Variants in VWA8 observed in about 807,000 individuals in gnomAD.
The protein encoded by VWA8 is von Willebrand factor A domain containing 8, also known as von Willebrand factor A domain-containing protein 8.
VWA8 carries 221 observed loss-of-function variants against 241.5 expected under a neutral mutation model. The observed-to-expected ratio is 0.91, with a 90% CI of 0.82 to 1.02. The LOEUF (loss-of-function observed/expected upper bound fraction) is 1.02. Among genes scored for constraint, VWA8 ranks in the 50% least tolerant of loss-of-function variants. VWA8 has a pLI of 0.00. For missense variants in VWA8, 2,322 were observed against 2,328.7 expected (o/e 1.00, Z 0.06); for synonymous variants, 852 against 827.1 (o/e 1.03, Z -0.52).
intron 20 of VWA8, among the ~76,000 whole-genome samples, chr13:41,772,033 G>T (rs2045827776): frequency 6.6e-6 from 1 of 151,640 alleles, no homozygotes; most frequent in Admixed American, 6.6e-5. Context: ...TGGGATTACA[G>T]GCATGAACCA....
chr13:41,670,796 G>T, intron 37 of VWA8, 150 bp downstream of exon 37: 1 of 898,150 alleles, frequency 1.1e-6, no homozygotes, highest in East Asian at 2.7e-5. Flanking sequence ...ATTTGTTTTT[G>T]TCTTTTTATT....
In VWA8 at chr13:41,699,067, T is replaced by G; in HGVS notation, c.3564+4A>C. ...TCACATAATTGTAGCCTGGTGTGCATTACCTGCTGCTCATGGAGAACCACT... is the reference window on the plus strand; with the variant it reads ...TCACATAATTGTAGCCTGGTGTGCAGTACCTGCTGCTCATGGAGAACCACT... On this transcript the variant is annotated splice_donor_region_variant and intron_variant, in intron 29 of 44. Coordinates refer to ENST00000379310, the MANE Select transcript of VWA8 (RefSeq NM_015058.2). 1 of 1,613,874 alleles carries G rather than the reference T, an allele frequency of 6.2e-7. No homozygotes were observed. The highest frequency in any genetic ancestry group is 8.5e-7 in the Non-Finnish European group (1 of 1,179,820).
intron 21 of VWA8, among the ~76,000 whole-genome samples, chr13:41,757,313 T>C (rs1360260303): frequency 6.6e-6 from 1 of 151,732 alleles, no homozygotes; most frequent in African/African-American, 2.4e-5. Flanking sequence ...ATTTTTTGAG[T>C]TGAAAGTCCT....
At chr13:41,828,692 G>A (rs369559604) in intron 14 of VWA8, among the ~76,000 whole-genome samples, 1 of 152,018 alleles carries the variant, frequency 6.6e-6, no homozygotes, top group South Asian at 2.1e-4. Context: ...GAAATATTTG[G>A]AAGTTGTAGA....
At chr13:41,628,850 C>T (rs1593660596) in intron 37 of VWA8, among the ~76,000 whole-genome samples, 2 of 152,066 alleles carry the variant, frequency 1.3e-5, no homozygotes, top group African/African-American at 4.8e-5. Flanking sequence ...AGACCATCCT[C>T]GCCAACATGG....
chr13:41,761,374 A>G (rs1050792362), intron 20 of VWA8, among the ~76,000 whole-genome samples, 170 bp from the exon 21 acceptor site: 16 of 152,076 alleles, frequency 1.1e-4, no homozygotes, highest in Non-Finnish European at 4.4e-5. Flanking sequence ...CTCCTATGAC[A>G]TAAGGGTTTA....
intron 12 of VWA8, among the ~76,000 whole-genome samples, chr13:41,847,504 A>G (rs1024956232): frequency 1.3e-5 from 2 of 152,206 alleles, no homozygotes; most frequent in African/African-American, 2.4e-5. Context: ...AGACTGAAAC[A>G]TATCAGTAGA....
At chr13:41,931,296 A>AC (rs994629417) in intron 2 of VWA8, among the ~76,000 whole-genome samples, 1 of 147,160 alleles carries the variant, frequency 6.8e-6, no homozygotes, top group African/African-American at 2.4e-5. Flanking sequence ...AAAAAAAAAA[A>AC]AAAAAAAACC....
chr13:41,568,353 C>T, intron 44 of VWA8, 48 bp from the exon 45 acceptor site: 1 of 1,497,888 alleles, frequency 6.7e-7, no homozygotes, highest in Non-Finnish European at 9.3e-7. Flanking sequence ...AATGGGGCTC[C>T]CTTCCACCTC....
At chr13:41,621,696 A>G (rs922053131) in intron 37 of VWA8, among the ~76,000 whole-genome samples, 2 of 151,960 alleles carry the variant, frequency 1.3e-5, no homozygotes, top group African/African-American at 4.8e-5. Context: ...TCTTTTAAGA[A>G]TAAGTACTAC....
intron 39 of VWA8, among the ~76,000 whole-genome samples, chr13:41,609,124 T>A (rs1269807668): frequency 6.6e-6 from 1 of 152,088 alleles, no homozygotes; most frequent in Non-Finnish European, 1.5e-5. Flanking sequence ...CCTGGGGTTA[T>A]ACTAGAGCAC....
chr13:41,633,814 C>T (rs2044740239), intron 37 of VWA8, among the ~76,000 whole-genome samples: 2 of 152,052 alleles, frequency 1.3e-5, no homozygotes, highest in African/African-American at 4.8e-5. Flanking sequence ...TTGGTCATTT[C>T]CTCCTTTGTG....
intron 21 of VWA8, among the ~76,000 whole-genome samples, chr13:41,744,029 G>T (rs1593737826): frequency 6.6e-6 from 1 of 152,206 alleles, no homozygotes; most frequent in Non-Finnish European, 1.5e-5. Flanking sequence ...ACAGGTGCCT[G>T]CTTCCCTTTC....
chr13:41,755,347 T>C (rs898367833), intron 21 of VWA8, among the ~76,000 whole-genome samples: 4 of 152,084 alleles, frequency 2.6e-5, no homozygotes, highest in African/African-American at 9.7e-5. Flanking sequence ...TCGAGACTTT[T>C]CACTTCCAAC....
intron 14 of VWA8, 127 bp from the exon 15 acceptor site, chr13:41,819,513 G>A: frequency 1.9e-6 from 2 of 1,060,216 alleles, no homozygotes; most frequent in Middle Eastern, 3.0e-4. Flanking sequence ...ATCATCCAAA[G>A]GATTAGCTTT....
intron 15 of VWA8, 107 bp from the exon 16 acceptor site, chr13:41,816,882 T>C: frequency 1.1e-6 from 1 of 891,422 alleles, no homozygotes. Flanking sequence ...ATTACATTTT[T>C]AGAAAAGTCA....
chr13:41,611,157 C>T (rs2044585277), intron 39 of VWA8, among the ~76,000 whole-genome samples: 1 of 152,184 alleles, frequency 6.6e-6, no homozygotes, highest in Non-Finnish European at 1.5e-5. Flanking sequence ...ACTAAACTTG[C>T]CTTTCTCTGC....
Position 41,691,455 on chromosome 13 carries a change from A to C in VWA8, c.3741-10T>G. Reference sequence around the variant, plus strand: ...CACAGTCAGGCTGTTCCTGGAAAAGAAGAAAACTGTATCTGAAAGGAAATG... The same window carrying C: ...CACAGTCAGGCTGTTCCTGGAAAAGCAGAAAACTGTATCTGAAAGGAAATG... On this transcript the variant is annotated splice_polypyrimidine_tract_variant and intron_variant, in intron 31 of 44. Coordinates refer to ENST00000379310, the MANE Select transcript of VWA8 (RefSeq NM_015058.2). 6.2e-7 allele frequency: 1 copy of C among 1,611,116 alleles called. No individual in the cohort carries two copies. The highest frequency in any genetic ancestry group is 1.1e-5 in the South Asian group (1 of 90,858).
At chr13:41,732,235 C>A in intron 21 of VWA8, 80 bp from the exon 22 acceptor site, 1 of 1,323,914 alleles carries the variant, frequency 7.6e-7, no homozygotes, top group Non-Finnish European at 1.0e-6. Flanking sequence ...AGCACAGGTG[C>A]ATTTTTTAAA....
Sources: allele counts gnomAD v4.1 joint callset (sites outside exome capture counted in the v4.1 genomes callset), GRCh38; gene constraint gnomAD v4.1.1; transcripts MANE v1.5; gene names NCBI Gene and HGNC (gene_info 2026-07-23, HGNC 2026-07-21).